Variants in SYNJ2BP observed in about 807,000 individuals in gnomAD.
The protein encoded by SYNJ2BP is synaptojanin-2-binding protein.
SYNJ2BP carries 10 observed loss-of-function variants against 16.9 expected under a neutral mutation model. That is an observed-to-expected ratio of 0.59 (90% CI 0.36 to 1.00). SYNJ2BP has a LOEUF of 1.00. Ranked by LOEUF, SYNJ2BP falls within the 50% of genes least tolerant of loss-of-function variation. The probability of loss-of-function intolerance (pLI) is 0.01; values close to 1 mark genes in which losing one functional copy is unlikely to be tolerated. For synonymous variants in SYNJ2BP, 54 were observed against 68.4 expected (o/e 0.79, Z 1.04); for missense variants, 162 against 186.7 (o/e 0.87, Z 0.77).
chr14:70,416,750 A>G, intron 1 of SYNJ2BP, 150 bp downstream of exon 1: 2 of 1,172,222 alleles, frequency 1.7e-6, no homozygotes, highest in South Asian at 1.5e-5. Flanking sequence ...ATTTCAATAT[A>G]TTTTCTCTAA....
chr14:70,417,078 A>G lies in SYNJ2BP; in HGVS notation c.-115T>C. On this transcript the variant is annotated 5_prime_UTR_variant, in exon 1 of 4. Transcript: ENST00000256366. ...AGCGGTTTCGGTTTCAGCAGCCTCG[A>G]GACCCGGAAAAGGAAGCCCGAAGGA... 6.5e-7 allele frequency: 1 copy of G among 1,526,884 alleles called. No individual in the cohort carries two copies. Among genetic ancestry groups the G allele is most frequent in the Non-Finnish European group, 8.9e-7 (1 of 1,119,794 alleles). 94.6% of individuals were successfully genotyped at this position (1,526,884 alleles called of 1,614,324 possible). A position where few individuals can be genotyped will look rare whatever the true frequency, so the allele number is the denominator to read the frequency against.
Position 70,368,532 on chromosome 14 carries a change from T to G in SYNJ2BP, c.*4459A>C, listed in dbSNP as rs1017957408. 6.6e-6 allele frequency: 1 copy of G among 152,192 alleles called. No individual in the cohort carries two copies. Among genetic ancestry groups the G allele is most frequent in the African/African-American group, 2.4e-5 (1 of 41,452 alleles). The allele number at this position is 152,192 out of a possible 1,614,324, so 9.4% of individuals were successfully genotyped here. ...TCTCTGGTCCTTTTTAGCTTCAATGTTCTATGATTGGTTCTCATTTAATTG... is the reference window on the plus strand; with the variant it reads ...TCTCTGGTCCTTTTTAGCTTCAATGGTCTATGATTGGTTCTCATTTAATTG... On this transcript the variant is annotated 3_prime_UTR_variant, in exon 4 of 4. Coordinates refer to ENST00000256366, the MANE Select transcript of SYNJ2BP (RefSeq NM_018373.3).
At chr14:70,386,989 CTAAAAGAAAACAGGGAAT>C (rs1887873555) in intron 2 of SYNJ2BP, among the ~76,000 whole-genome samples, 1 of 152,182 alleles carries the variant, frequency 6.6e-6, no homozygotes, top group African/African-American at 2.4e-5. Context: ...CTATTCAGTT[CTAAAAGAAAACAGGGAAT>C]AGTTTTCTCC....
intron 2 of SYNJ2BP, among the ~76,000 whole-genome samples, chr14:70,386,939 T>C (rs890065558): frequency 6.6e-6 from 1 of 152,240 alleles, no homozygotes; most frequent in African/African-American, 2.4e-5. Context: ...CTGTACTTCA[T>C]TCATTTATTT....
intron 2 of SYNJ2BP, among the ~76,000 whole-genome samples, chr14:70,376,486 CAAGT>C (rs1566614700): frequency 1.3e-5 from 2 of 152,180 alleles, no homozygotes; most frequent in Non-Finnish European, 2.9e-5. Context: ...ACATCGGCCA[CAAGT>C]AATAATCTAT....
intron 2 of SYNJ2BP, among the ~76,000 whole-genome samples, chr14:70,377,488 C>T (rs1887657479): frequency 6.6e-6 from 1 of 152,168 alleles, no homozygotes; most frequent in African/African-American, 2.4e-5. Flanking sequence ...GACCTTTTTC[C>T]ACCACCGTCT....
At chr14:70,392,366 C>G (rs1339461162) in intron 1 of SYNJ2BP, among the ~76,000 whole-genome samples, 2 of 152,060 alleles carry the variant, frequency 1.3e-5, no homozygotes. Context: ...TATAACTTAC[C>G]AGATATGTGG....
chr14:70,379,292 A>G (rs1887697932), intron 2 of SYNJ2BP, among the ~76,000 whole-genome samples: 2 of 152,226 alleles, frequency 1.3e-5, no homozygotes, highest in African/African-American at 2.4e-5. Context: ...AAAACTGGGG[A>G]GCAAGGAAAG....
chr14:70,372,179 T>C lies in SYNJ2BP; in HGVS notation c.*812A>G, dbSNP rs947077061. 1 of 152,198 alleles carries C rather than the reference T, an allele frequency of 6.6e-6. No homozygotes were observed. Among genetic ancestry groups the C allele is most frequent in the Non-Finnish European group, 1.5e-5 (1 of 68,042 alleles). The allele number at this position is 152,198 out of a possible 1,614,324, so 9.4% of individuals were successfully genotyped here. A position where few individuals can be genotyped will look rare whatever the true frequency, so the allele number is the denominator to read the frequency against. ...TTTAAATAGAGATGAGGTTTTGCTA[T>C]GTTGCCCAGGCTGGTCTCCTGGACT... On this transcript the variant is annotated 3_prime_UTR_variant, in exon 4 of 4. Coordinates refer to ENST00000256366, the MANE Select transcript of SYNJ2BP (RefSeq NM_018373.3).
At position 70,400,973 on chromosome 14, in the gene SYNJ2BP, G is replaced by A. The variant is rs77585382; in HGVS notation, c.65-12367C>T. Among the ~76,000 whole-genome samples, 1,375 of 152,242 alleles carry A rather than the reference G, an allele frequency of 9.0e-3. 14 individuals are homozygous for A. Among genetic ancestry groups the A allele is most frequent in the African/African-American group, 0.031 (1,280 of 41,546 alleles). ...GCAGTTTATGACTTTTGAAAAGTCC[G>A]TAAATTATGAAAAATTAAGCTTCAA... On this transcript the variant is annotated intron_variant, in intron 1 of 3. Transcript: ENST00000256366.
chr14:70,376,916 C>A (rs1364486064), intron 2 of SYNJ2BP, among the ~76,000 whole-genome samples: 2 of 152,176 alleles, frequency 1.3e-5, no homozygotes, highest in African/African-American at 4.8e-5. Context: ...TCGCAATCTT[C>A]CTTCTCCAAG....
intron 1 of SYNJ2BP, among the ~76,000 whole-genome samples, chr14:70,394,764 A>T (rs1277090380): frequency 6.6e-6 from 1 of 152,204 alleles, no homozygotes; most frequent in Non-Finnish European, 1.5e-5. Context: ...GCTAATGTTT[A>T]CCAAGACCTT....
At chr14:70,382,096 C>T (rs1421495804) in intron 2 of SYNJ2BP, among the ~76,000 whole-genome samples, 2 of 151,966 alleles carry the variant, frequency 1.3e-5, no homozygotes, top group Non-Finnish European at 2.9e-5. Flanking sequence ...ATTAGCTGGA[C>T]GTGGTGGCAG....
chr14:70,366,967 G>C lies in SYNJ2BP; in HGVS notation c.*6024C>G, dbSNP rs1430635308. On this transcript the variant is annotated 3_prime_UTR_variant, in exon 4 of 4. Coordinates refer to ENST00000256366, the MANE Select transcript of SYNJ2BP (RefSeq NM_018373.3). ...TTGCAAATCTACAAACTAGGAGGAA[G>C]GACTAACCCTTTTCCTGGGATTAGT... is the stretch of plus-strand genomic sequence containing the variant. 6.6e-6 allele frequency: 1 copy of C among 152,194 alleles called. No homozygotes were observed. The highest frequency in any genetic ancestry group is 2.4e-5 in the African/African-American group (1 of 41,444). The allele number at this position is 152,194 out of a possible 1,614,324, so 9.4% of individuals were successfully genotyped here. A position where few individuals can be genotyped will look rare whatever the true frequency, so the allele number is the denominator to read the frequency against.
intron 1 of SYNJ2BP, among the ~76,000 whole-genome samples, chr14:70,390,964 T>C (rs1887969194): frequency 6.6e-6 from 1 of 151,942 alleles, no homozygotes; most frequent in South Asian, 2.1e-4. Context: ...TGAAACCCCG[T>C]CTCTACCAAA....
intron 1 of SYNJ2BP, among the ~76,000 whole-genome samples, chr14:70,410,897 AAT>A (rs1888458059): frequency 6.6e-6 from 1 of 152,174 alleles, no homozygotes; most frequent in South Asian, 2.1e-4. Context: ...AAAAATAACT[AAT>A]GGGTACTAGG....
chr14:70,374,814 A>T (rs1257436912), intron 3 of SYNJ2BP, among the ~76,000 whole-genome samples: 1 of 152,204 alleles, frequency 6.6e-6, no homozygotes, highest in Non-Finnish European at 1.5e-5. Flanking sequence ...TTTATAAATA[A>T]GTTTTCAGCG....
At chr14:70,413,796 A>G (rs1391216049) in intron 1 of SYNJ2BP, among the ~76,000 whole-genome samples, 1 of 152,192 alleles carries the variant, frequency 6.6e-6, no homozygotes, top group Non-Finnish European at 1.5e-5. Flanking sequence ...ACTGCCTTAT[A>G]ATATGGGCCC....
At chr14:70,406,288 T>G (rs979155598) in intron 1 of SYNJ2BP, among the ~76,000 whole-genome samples, 7 of 152,160 alleles carry the variant, frequency 4.6e-5, no homozygotes, top group Non-Finnish European at 8.8e-5. Context: ...CCAAAAATTG[T>G]AACTGAGAAA....
Sources: gnomAD v4.1 joint callset for allele counts (sites outside exome capture counted in the v4.1 genomes callset) on GRCh38, gnomAD v4.1.1 for gene constraint, MANE v1.5 for transcripts, NCBI Gene and HGNC (gene_info 2026-07-23, HGNC 2026-07-21) for gene names.